The following HPSE2 variants were observed in gnomAD, a reference collection of about 807,000 sequenced individuals.
HPSE2 encodes inactive heparanase-2.
Under a neutral mutation model 60.5 loss-of-function variants are expected in HPSE2, and 38 were observed. The ratio of observed to expected loss-of-function variants is 0.63; its 90% confidence interval spans 0.48 to 0.82. HPSE2 has a LOEUF of 0.82. Ranked by LOEUF, HPSE2 falls within the 40% of genes least tolerant of loss-of-function variation. The pLI, the probability that HPSE2 is intolerant of heterozygous loss-of-function variation, is 0.00. For missense variants in HPSE2, 713 were observed against 740.4 expected, an observed-to-expected ratio of 0.96 and a Z score of 0.43; for synonymous variants, 295 against 293.2, an observed-to-expected ratio of 1.01 and a Z score of -0.06.
chr10:98,656,300 TG>T (rs1397073108), intron 6 of HPSE2, among the ~76,000 whole-genome samples: 1 of 152,198 alleles, frequency 6.6e-6, no homozygotes, highest in Non-Finnish European at 1.5e-5. Context: ...TTAGCCAGGA[TG>T]GTCTCAATCT....
chr10:98,705,979 C>A (rs1292807723), intron 5 of HPSE2, among the ~76,000 whole-genome samples: 1 of 152,074 alleles, frequency 6.6e-6, no homozygotes, highest in East Asian at 1.9e-4. Context: ...ATACAAATAA[C>A]CATAATGAAA....
At chr10:99,100,805 T>C (rs1444181377) in intron 3 of HPSE2, among the ~76,000 whole-genome samples, 1 of 152,130 alleles carries the variant, frequency 6.6e-6, no homozygotes, top group African/African-American at 2.4e-5. Flanking sequence ...CGTCAGAAAC[T>C]CTACAAGCCA....
At chr10:98,509,988 G>A (rs961012351) in intron 9 of HPSE2, among the ~76,000 whole-genome samples, 3 of 151,784 alleles carry the variant, frequency 2.0e-5, no homozygotes, top group Non-Finnish European at 4.4e-5. Flanking sequence ...CACACACTTT[G>A]TTAACTGAAA....
At chr10:99,254,770 G>A in the HPSE2 span, among the ~76,000 whole-genome samples, 13 of 152,084 alleles carry the variant, frequency 8.5e-5, no homozygotes, top group Non-Finnish European at 4.4e-5. Context: ...ACTACAGTGT[G>A]GATGAGCTTT....
At chr10:99,005,298 T>G (rs943436591) in intron 3 of HPSE2, among the ~76,000 whole-genome samples, 6 of 152,164 alleles carry the variant, frequency 3.9e-5, no homozygotes, top group Admixed American at 6.5e-5. Flanking sequence ...ACATTTGCTC[T>G]TTTTACATTG....
Position 99,004,792 on chromosome 10 carries a change from T to C in HPSE2, c.610+139446A>G, listed in dbSNP as rs562524215. Among the ~76,000 whole-genome samples, 4 of 152,290 alleles carry C rather than the reference T, an allele frequency of 2.6e-5. No individual in the cohort carries two copies. The South Asian group carries it at 8.3e-4, about 32-fold the overall frequency. On this transcript the variant is annotated intron_variant, in intron 3 of 11. Coordinates refer to ENST00000370552, the MANE Select transcript of HPSE2 (RefSeq NM_021828.5). ...TAATTAGTGTGCTTTCCTTTCAACTTGAAGAACTACCTTTAGTATGTTGTA... is the reference window on the plus strand; with the variant it reads ...TAATTAGTGTGCTTTCCTTTCAACTCGAAGAACTACCTTTAGTATGTTGTA...
At chr10:99,213,841 T>C (rs552447516) in intron 2 of HPSE2, among the ~76,000 whole-genome samples, 10 of 152,284 alleles carry the variant, frequency 6.6e-5, no homozygotes, top group Middle Eastern at 3.4e-3. Context: ...CTCAGAGACA[T>C]TGTGAAAATT....
the HPSE2 span, among the ~76,000 whole-genome samples, chr10:99,257,739 C>T: frequency 1.3e-5 from 2 of 152,102 alleles, no homozygotes; most frequent in Admixed American, 6.5e-5. Context: ...CTCTGTGACC[C>T]ACACCCTATT....
At chr10:98,498,344 C>T (rs1184086508) in intron 9 of HPSE2, among the ~76,000 whole-genome samples, 1 of 152,140 alleles carries the variant, frequency 6.6e-6, no homozygotes, top group African/African-American at 2.4e-5. Context: ...CCCCCAGTAC[C>T]AGCTCGGAAC....
rs191305168 is a variant in HPSE2 at position 98,764,789 on chromosome 10, G to A, written c.611-20733C>T. Among the ~76,000 whole-genome samples, 233 of 152,228 alleles carry A rather than the reference G, an allele frequency of 1.5e-3. 2 individuals carry two copies. In the East Asian group the frequency reaches 0.033, roughly 21 times the overall value. On this transcript the variant is annotated intron_variant, in intron 3 of 11. Transcript: ENST00000370552. ...GGAGAATCACTTGAACCAGGGAGGC[G>A]GAGGTTGCAGTGAGCCGAGATGGCA...
chr10:98,724,098 AT>A (rs1442936485), intron 4 of HPSE2, among the ~76,000 whole-genome samples: 4 of 152,072 alleles, frequency 2.6e-5, no homozygotes, highest in Non-Finnish European at 5.9e-5. Flanking sequence ...TCTTGTGGGC[AT>A]TTAGTGCTAT....
At chr10:99,099,827 T>G (rs1164207103) in intron 3 of HPSE2, among the ~76,000 whole-genome samples, 1 of 152,166 alleles carries the variant, frequency 6.6e-6, no homozygotes, top group African/African-American at 2.4e-5. Context: ...CTACATTTCC[T>G]GTTCAGCAAT....
chr10:99,195,606 A>G (rs1848369460), intron 2 of HPSE2, among the ~76,000 whole-genome samples: 1 of 152,080 alleles, frequency 6.6e-6, no homozygotes, highest in Non-Finnish European at 1.5e-5. Flanking sequence ...AATCCCACTT[A>G]CAGTAGCAAG....
intron 3 of HPSE2, among the ~76,000 whole-genome samples, chr10:98,922,237 C>T (rs572946482): frequency 7.2e-5 from 11 of 152,198 alleles, no homozygotes; most frequent in African/African-American, 2.6e-4. Context: ...TTTGGACTTG[C>T]CACATTTCAA....
At chr10:98,825,377 A>C (rs2134630333) in intron 3 of HPSE2, among the ~76,000 whole-genome samples, 1 of 152,302 alleles carries the variant, frequency 6.6e-6, no homozygotes, top group East Asian at 1.9e-4. Flanking sequence ...GAACTAGGTA[A>C]GATGCCAATT....
the HPSE2 span, among the ~76,000 whole-genome samples, chr10:99,305,961 ACGCGCGCGCGCGCGCGCG>A: frequency 1.6e-4 from 16 of 103,062 alleles, no homozygotes; most frequent in African/African-American, 3.9e-4. Context: ...ACTCACACAC[ACGCGCGCGCGCGCGCGCG>A]CACACACACA....
chr10:99,129,397 C>G (rs1845293314), intron 3 of HPSE2, among the ~76,000 whole-genome samples: 1 of 152,220 alleles, frequency 6.6e-6, no homozygotes, highest in Middle Eastern at 3.4e-3. Context: ...AAACAAGTCT[C>G]AATACATTTT....
intron 3 of HPSE2, among the ~76,000 whole-genome samples, chr10:99,036,180 A>G (rs1308408504): frequency 6.6e-6 from 1 of 152,146 alleles, no homozygotes; most frequent in Non-Finnish European, 1.5e-5. Flanking sequence ...GCACCACTGC[A>G]CTCCAGCCTG....
intron 2 of HPSE2, among the ~76,000 whole-genome samples, chr10:99,195,987 A>G (rs1336604686): frequency 1.3e-5 from 2 of 152,160 alleles, no homozygotes; most frequent in Non-Finnish European, 2.9e-5. Flanking sequence ...CCAAAACAGC[A>G]TGGTAGTGGC....
Sources: allele counts gnomAD v4.1 joint callset (sites outside exome capture counted in the v4.1 genomes callset), GRCh38; gene constraint gnomAD v4.1.1; transcripts MANE v1.5; gene names NCBI Gene and HGNC (gene_info 2026-07-23, HGNC 2026-07-21).